DPP10: variants seen among roughly 807,000 people sequenced by gnomAD.
DPP10 encodes the protein dipeptidyl peptidase like 10, also known as inactive dipeptidyl peptidase 10.
DPP10 carries 33 observed loss-of-function variants against 120.9 expected under a neutral mutation model. The ratio of observed to expected loss-of-function variants is 0.27; its 90% CI spans 0.21 to 0.37. The LOEUF (loss-of-function observed/expected upper bound fraction) is 0.37. Among genes scored for constraint, DPP10 ranks in the 10% least tolerant of loss-of-function variants. The pLI, the probability that DPP10 is intolerant of heterozygous loss-of-function variation, is 1.00. For synonymous variants in DPP10, 337 were observed against 326.1 expected (o/e 1.03, Z -0.36); for missense variants, 816 against 942.8 (o/e 0.87, Z 1.76).
intron 1 of DPP10, among the ~76,000 whole-genome samples, chr2:114,573,316 G>GA (rs1341122409): frequency 6.6e-6 from 1 of 152,094 alleles, no homozygotes; most frequent in African/African-American, 2.4e-5. Context: ...GAAGGTTTGA[G>GA]AAAAAATAAA....
chr2:114,799,094 A>C (rs1281422587), intron 1 of DPP10, among the ~76,000 whole-genome samples: 1 of 152,158 alleles, frequency 6.6e-6, no homozygotes, highest in East Asian at 1.9e-4. Flanking sequence ...GTGCCATTGC[A>C]CTCCAGCCTG....
At chr2:114,528,456 T>C (rs1685689296) in intron 1 of DPP10, among the ~76,000 whole-genome samples, 1 of 152,004 alleles carries the variant, frequency 6.6e-6, no homozygotes, top group African/African-American at 2.4e-5. Flanking sequence ...AGCCTAACTC[T>C]AGCTGGATGC....
At chr2:114,833,061 G>T (rs1376769377) in intron 1 of DPP10, among the ~76,000 whole-genome samples, 3 of 151,956 alleles carry the variant, frequency 2.0e-5, no homozygotes, top group Non-Finnish European at 4.4e-5. Flanking sequence ...AACTAAAAAA[G>T]AAATTTTTTT....
chr2:115,209,395 T>G (rs1401294478), intron 1 of DPP10, among the ~76,000 whole-genome samples: 2 of 152,146 alleles, frequency 1.3e-5, no homozygotes, highest in African/African-American at 2.4e-5. Context: ...TTTTAATATA[T>G]GTACACTCAC....
At chr2:115,549,970 G>A (rs1193730677) in intron 5 of DPP10, among the ~76,000 whole-genome samples, 1 of 152,034 alleles carries the variant, frequency 6.6e-6, no homozygotes, top group Non-Finnish European at 1.5e-5. Context: ...CCTGAGCCAA[G>A]TCACTGTGAT....
intron 5 of DPP10, among the ~76,000 whole-genome samples, chr2:115,660,750 G>C (rs2088891850): frequency 7.5e-6 from 1 of 132,892 alleles, no homozygotes; most frequent in Admixed American, 8.3e-5. Context: ...GCTTTGCTCT[G>C]ATCATGAGGG....
chr2:115,164,497 C>T (rs567689801), intron 1 of DPP10, among the ~76,000 whole-genome samples: 48 of 151,894 alleles, frequency 3.2e-4, no homozygotes, highest in Non-Finnish European at 5.7e-4. Context: ...TGAAATTTTA[C>T]CTAGTGGTTA....
intron 5 of DPP10, among the ~76,000 whole-genome samples, chr2:115,627,900 C>A (rs1255230705): frequency 1.3e-5 from 2 of 152,096 alleles, no homozygotes; most frequent in African/African-American, 2.4e-5. Flanking sequence ...GATGTATTTT[C>A]TTTATCCAGT....
intron 1 of DPP10, among the ~76,000 whole-genome samples, chr2:114,577,986 T>C (rs1379668896): frequency 2.6e-5 from 4 of 152,196 alleles, no homozygotes; most frequent in Admixed American, 2.6e-4. Context: ...CCAGGTGAAA[T>C]TACATTCTAA....
At chr2:114,995,217 G>A (rs1445487890) in intron 1 of DPP10, among the ~76,000 whole-genome samples, 1 of 152,150 alleles carries the variant, frequency 6.6e-6, no homozygotes, top group Non-Finnish European at 1.5e-5. Flanking sequence ...TGGCCATCCT[G>A]GACCAAATGC....
At chr2:115,458,483 A>C (rs989302611) in intron 3 of DPP10, among the ~76,000 whole-genome samples, 1 of 152,060 alleles carries the variant, frequency 6.6e-6, no homozygotes, top group African/African-American at 2.4e-5. Context: ...CTAGTTGAAC[A>C]AAACCTTCAA....
intron 24 of DPP10, among the ~76,000 whole-genome samples, chr2:115,840,300 C>T (rs113985666): frequency 0.037 from 5,209 of 140,990 alleles, 174 homozygotes; most frequent in Middle Eastern, 0.078. Context: ...CTACCTAAAG[C>T]CAGATATAAG....
Position 114,442,848 on chromosome 2 carries a change from G to A in DPP10, c.60+10G>A, listed in dbSNP as rs1051883153. The A allele has an allele frequency of 2.3e-5, 37 of 1,613,164 alleles. No homozygotes were observed. Among genetic ancestry groups the A allele is most frequent in the Non-Finnish European group, 3.1e-5 (37 of 1,179,430 alleles). ...CTCAAAAACAATCAAGGTAGGATCT[G>A]GTTTTTCCCTCTGCTTCTGCACATG... On this transcript the variant is annotated intron_variant, in intron 1 of 25. Coordinates refer to ENST00000410059, the MANE Select transcript of DPP10 (RefSeq NM_020868.6).
chr2:115,719,994 A>G (rs2092604434), intron 7 of DPP10, among the ~76,000 whole-genome samples: 1 of 152,204 alleles, frequency 6.6e-6, no homozygotes, highest in Non-Finnish European at 1.5e-5. Context: ...ACATTTTTGT[A>G]TGCGTCTTTT....
chr2:114,891,364 A>G (rs1187296105), intron 1 of DPP10, among the ~76,000 whole-genome samples: 3 of 152,212 alleles, frequency 2.0e-5, no homozygotes, highest in Admixed American at 2.0e-4. Flanking sequence ...CTTAATATCT[A>G]ATTGGAAAGA....
chr2:115,220,027 T>TA (rs1385744908), intron 1 of DPP10, among the ~76,000 whole-genome samples: 1 of 152,166 alleles, frequency 6.6e-6, no homozygotes, highest in Non-Finnish European at 1.5e-5. Flanking sequence ...ACTGAACACT[T>TA]ACTGTGATCT....
chr2:115,422,602 A>G (rs1358984865), intron 3 of DPP10, among the ~76,000 whole-genome samples: 1 of 152,228 alleles, frequency 6.6e-6, no homozygotes, highest in Non-Finnish European at 1.5e-5. Flanking sequence ...GAATAACTTG[A>G]TATATTTCAT....
At chr2:115,022,766 G>A (rs1443647609) in intron 1 of DPP10, among the ~76,000 whole-genome samples, 1 of 152,142 alleles carries the variant, frequency 6.6e-6, no homozygotes, top group East Asian at 1.9e-4. Flanking sequence ...TAAGGCCATA[G>A]TCATCAAAAC....
chr2:114,965,463 G>A (rs1698942431), intron 1 of DPP10, among the ~76,000 whole-genome samples: 1 of 152,018 alleles, frequency 6.6e-6, no homozygotes, highest in African/African-American at 2.4e-5. Flanking sequence ...CTTAGTAGAG[G>A]CATATTAAAC....
Sources: allele counts gnomAD v4.1 joint callset (sites outside exome capture counted in the v4.1 genomes callset), GRCh38; gene constraint gnomAD v4.1.1; transcripts MANE v1.5; gene names NCBI Gene and HGNC (gene_info 2026-07-23, HGNC 2026-07-21).